Variants in TOP1 observed in about 807,000 individuals in gnomAD.
TOP1 encodes the protein DNA topoisomerase I.
TOP1 carries 10 observed loss-of-function variants against 111.1 expected under a neutral mutation model. The observed-to-expected ratio is 0.09, with a 90% CI of 0.06 to 0.15. TOP1 has a LOEUF of 0.15. TOP1 is among the 10% of genes least tolerant of loss of function. The pLI is 1.00. For synonymous variants in TOP1, 271 were observed against 302.9 expected (o/e 0.89, Z 1.10); for missense variants, 474 against 926.7 (o/e 0.51, Z 6.34).
chr20:41,062,258 CT>C (rs2033554038), intron 3 of TOP1, among the ~76,000 whole-genome samples: 1 of 152,208 alleles, frequency 6.6e-6, no homozygotes, highest in Non-Finnish European at 1.5e-5. Flanking sequence ...ATGTAAAGAT[CT>C]GTCACACATT....
chr20:41,036,988 G>A (rs2033196510), intron 2 of TOP1, among the ~76,000 whole-genome samples: 1 of 151,920 alleles, frequency 6.6e-6, no homozygotes, highest in Admixed American at 6.6e-5. Context: ...CCGCCACCAC[G>A]CCTGGCTAAT....
chr20:41,087,254 AGTGT>A (rs1310313970), intron 8 of TOP1, among the ~76,000 whole-genome samples: 2 of 152,228 alleles, frequency 1.3e-5, no homozygotes, highest in East Asian at 3.8e-4. Flanking sequence ...AAGTGGTGGC[AGTGT>A]GCTTGGGTTC....
intron 2 of TOP1, among the ~76,000 whole-genome samples, chr20:41,037,851 G>A (rs558833160): frequency 2.6e-5 from 4 of 152,324 alleles, no homozygotes; most frequent in South Asian, 2.1e-4. Flanking sequence ...GATTATCACA[G>A]AAGCATCACA....
At position 41,061,433 on chromosome 20, in the gene TOP1, A is replaced by G. The variant is rs1166021854; in HGVS notation, c.98A>G (p.His33Arg). The G allele has an allele frequency of 6.2e-7, 1 of 1,613,790 alleles. No homozygotes were observed. The change falls in exon 3 of 21, where the codon CAC becomes CGC. Residue 33 changes from histidine to arginine, a missense_variant. Around this residue, in one of 14 missense-constraint regions of TOP1, gnomAD observed 185 missense variants for 226.3 expected, o/e 0.82. Transcript: ENST00000361337. The surrounding 1 kb of genome is among the most constrained non-coding windows in gnomAD (Gnocchi z 4.6). ...KHKDKHKDRE[H>R]RHKEHKKEKD... The stretch of plus-strand genomic sequence containing the variant: ...AAAGATAAACACAAAGATCGAGAAC[A>G]CCGGCACAAAGAACACAAGAAGGAG...
chr20:41,113,878 TCA>T, intron 14 of TOP1, 90 bp from the exon 15 acceptor site: 1 of 814,996 alleles, frequency 1.2e-6, no homozygotes, highest in East Asian at 2.9e-5. Context: ...CGAGACTGTC[TCA>T]AAAAAAAAAA....
At position 41,079,542 on chromosome 20, in the gene TOP1, G is replaced by A. The variant is rs1167147244; in HGVS notation, c.336-543G>A. On this transcript the variant is annotated intron_variant, in intron 5 of 20. Coordinates refer to ENST00000361337, the MANE Select transcript of TOP1 (RefSeq NM_003286.4). This position sits in a 1 kb window ranked among gnomAD's most constrained non-coding sequence, Gnocchi z 4.0. Reference sequence around the variant, plus strand: ...CCTTCTGTTTATTCTGGTTTAACACGTGCCCTACTTTTGTTGTAATGTTGT... The same window carrying A: ...CCTTCTGTTTATTCTGGTTTAACACATGCCCTACTTTTGTTGTAATGTTGT... Among the ~76,000 whole-genome samples the A allele has an allele frequency of 2.0e-5, 3 of 152,194 alleles. No homozygotes were observed. The highest frequency in any genetic ancestry group is 3.8e-4 in the East Asian group (2 of 5,198).
Position 41,092,627 on chromosome 20 carries a change from G to T in TOP1, c.730+40G>T. On this transcript the variant is annotated intron_variant, in intron 9 of 20. Transcript: ENST00000361337. The surrounding 1 kb of genome is among the most constrained non-coding windows in gnomAD (Gnocchi z 4.3). Reference sequence around the variant, plus strand: ...GGTTCTTGATTCTTGGCCAGGAAAAGAAATCTGCTTCTATTTAGGGATAGA... The same window carrying T: ...GGTTCTTGATTCTTGGCCAGGAAAATAAATCTGCTTCTATTTAGGGATAGA... The T allele has an allele frequency of 5.1e-6, 5 of 976,988 alleles. No individual in the cohort carries two copies. The highest frequency in any genetic ancestry group is 7.9e-6 in the Non-Finnish European group (5 of 634,790). The allele number at this position is 976,988 out of a possible 1,614,324, so 60.5% of individuals were successfully genotyped here. A position where few individuals can be genotyped will look rare whatever the true frequency, so the allele number is the denominator to read the frequency against.
At chr20:41,064,487 AAC>A (rs2033583981) in intron 3 of TOP1, among the ~76,000 whole-genome samples, 1 of 152,134 alleles carries the variant, frequency 6.6e-6, no homozygotes, top group Admixed American at 6.5e-5. Context: ...GTCATTCCTT[AAC>A]AGTTTTTGGC....
rs1171858617 is a variant in TOP1, at chr20:41,069,914, T to C, written c.156-6257T>C. On this transcript the variant is annotated intron_variant, in intron 3 of 20. Coordinates refer to ENST00000361337, the MANE Select transcript of TOP1 (RefSeq NM_003286.4). The surrounding 1 kb of genome is among the most constrained non-coding windows in gnomAD (Gnocchi z 4.1). ...TAGAAAGAAAAACATAAGCAAAACA[T>C]AGAGGCATTGTAGTATATGCTTTGT... Among the ~76,000 whole-genome samples, 4 of 152,304 alleles carry C rather than the reference T, an allele frequency of 2.6e-5. No individual in the cohort carries two copies. In the East Asian group the frequency reaches 7.7e-4, roughly 29 times the overall value.
At chr20:41,111,573 G>A (rs1430839328) in intron 13 of TOP1, among the ~76,000 whole-genome samples, 1 of 150,508 alleles carries the variant, frequency 6.6e-6, no homozygotes, top group Non-Finnish European at 1.5e-5. Flanking sequence ...CCAGAAGGCT[G>A]GTTGCGCCCC....
chr20:41,050,074 A>G (rs1244592832), intron 2 of TOP1, among the ~76,000 whole-genome samples: 2 of 152,194 alleles, frequency 1.3e-5, no homozygotes, highest in Non-Finnish European at 2.9e-5. Flanking sequence ...CTGGAGTGCA[A>G]TGGCACGATC....
chr20:41,059,382 T>G (rs1443154897), intron 2 of TOP1, among the ~76,000 whole-genome samples: 1 of 150,308 alleles, frequency 6.7e-6, no homozygotes, highest in East Asian at 1.9e-4. Flanking sequence ...AAATGAACAC[T>G]GGCCCTTAAC....
chr20:41,039,259 T>TG (rs2033229330), intron 2 of TOP1, among the ~76,000 whole-genome samples: 1 of 152,212 alleles, frequency 6.6e-6, no homozygotes, highest in African/African-American at 2.4e-5. Flanking sequence ...TCACTTCCTC[T>TG]GTTGAGATTT....
chr20:41,043,998 C>T (rs560128828), intron 2 of TOP1, among the ~76,000 whole-genome samples: 3 of 152,296 alleles, frequency 2.0e-5, no homozygotes, highest in East Asian at 1.9e-4. Flanking sequence ...AGTGCCCAGC[C>T]GGGCGTGGTG....
intron 2 of TOP1, among the ~76,000 whole-genome samples, chr20:41,048,435 A>G (rs1169379205): frequency 2.0e-5 from 3 of 152,204 alleles, no homozygotes; most frequent in African/African-American, 2.4e-5. Flanking sequence ...CTAAATCCAC[A>G]TGGGCCAAGA....
Position 41,029,693 on chromosome 20 carries a change from C to G in TOP1, c.58+238C>G. 1 of 597,150 alleles carries G rather than the reference C, an allele frequency of 1.7e-6. No homozygotes were observed. The highest frequency in any genetic ancestry group is 3.1e-6 in the Non-Finnish European group (1 of 325,894). The allele number at this position is 597,150 out of a possible 1,614,324, so 37.0% of individuals were successfully genotyped here. A position where few individuals can be genotyped will look rare whatever the true frequency, so the allele number is the denominator to read the frequency against. On this transcript the variant is annotated intron_variant, in intron 2 of 20. Coordinates refer to ENST00000361337, the MANE Select transcript of TOP1 (RefSeq NM_003286.4). This position sits in a 1 kb window ranked among gnomAD's most constrained non-coding sequence, Gnocchi z 6.1. ...AACGGAGACCCCGTGTCGTCCGCCA[C>G]CGGGCCTCGGGCGGTCTTTCCGGGC...
In TOP1 at chr20:41,122,226, G is replaced by C; in HGVS notation, c.2195+71G>C. 6.5e-7 allele frequency: 1 copy of C among 1,532,894 alleles called. No homozygotes were observed. Among genetic ancestry groups the C allele is most frequent in the Non-Finnish European group, 9.0e-7 (1 of 1,117,222 alleles). The allele number at this position is 1,532,894 out of a possible 1,614,324, so 95.0% of individuals were successfully genotyped here. Reference sequence around the variant, plus strand: ...GGTGGAGGGGGTTCCGAGAGCACTGGTGGCCTTCACATGCCATTCCTAAGC... The same window carrying C: ...GGTGGAGGGGGTTCCGAGAGCACTGCTGGCCTTCACATGCCATTCCTAAGC... On this transcript the variant is annotated intron_variant, in intron 20 of 20. Transcript: ENST00000361337. The surrounding 1 kb of genome is among the most constrained non-coding windows in gnomAD (Gnocchi z 5.4).
chr20:41,041,647 G>A (rs1446432573), intron 2 of TOP1, among the ~76,000 whole-genome samples: 1 of 152,012 alleles, frequency 6.6e-6, no homozygotes, highest in Non-Finnish European at 1.5e-5. Flanking sequence ...GGGATGATTG[G>A]TGAAAATACA....
rs754752390 is a variant in TOP1 at position 41,106,353 on chromosome 20, C to T, written c.1308+5000C>T. ...TGCTTTGGCTATTCTTGGCCCTCTGCTGTTTCATATTAACTTTCAGATAAA... is the reference window on the plus strand; with the variant it reads ...TGCTTTGGCTATTCTTGGCCCTCTGTTGTTTCATATTAACTTTCAGATAAA... On this transcript the variant is annotated intron_variant, in intron 13 of 20. Transcript: ENST00000361337. The surrounding 1 kb of genome is among the most constrained non-coding windows in gnomAD (Gnocchi z 4.3). 3.9e-4 allele frequency among the ~76,000 whole-genome samples: 59 copies of T among 152,198 alleles called. No individual in the cohort carries two copies. The highest frequency in any genetic ancestry group is 1.3e-4 in the Non-Finnish European group (9 of 68,028).
Sources: gnomAD v4.1 joint callset for allele counts (sites outside exome capture counted in the v4.1 genomes callset) on GRCh38, gnomAD v4.1.1 for gene constraint, gnomAD v4.1.1 regional missense constraint, Gnocchi (gnomAD v3.1) non-coding constraint, MANE v1.5 for transcripts, NCBI Gene and HGNC (gene_info 2026-07-23, HGNC 2026-07-21) for gene names.